Variants in TENM3 observed in about 807,000 individuals in gnomAD.
TENM3 encodes the protein teneurin-3.
A neutral mutation model predicts 255.1 loss-of-function variants in TENM3; 63 were observed. The observed-to-expected ratio is 0.25, with a 90% confidence interval of 0.20 to 0.30. The LOEUF is 0.30. TENM3 is among the 10% of genes least tolerant of loss of function. The pLI is 1.00. For missense variants in TENM3, 2,929 were observed against 3,461.1 expected, an observed-to-expected ratio of 0.85 and a Z score of 3.86; for synonymous variants, 1,306 against 1,322.3, an observed-to-expected ratio of 0.99 and a Z score of 0.27.
the TENM3 span, among the ~76,000 whole-genome samples, chr4:182,124,081 T>G: frequency 1.3e-5 from 2 of 152,220 alleles, no homozygotes; most frequent in Admixed American, 6.5e-5. Context: ...AGATGGAGTC[T>G]CACTCCGTTA....
the TENM3 span, among the ~76,000 whole-genome samples, chr4:181,467,325 G>A: frequency 0.21 from 30,834 of 149,146 alleles, 3,689 homozygotes; most frequent in South Asian, 0.28. Flanking sequence ...AGTAGAGACG[G>A]GGTTTCGCCA....
chr4:182,014,261 CACTGGGGAGCT>C, the TENM3 span, among the ~76,000 whole-genome samples: 1 of 151,520 alleles, frequency 6.6e-6, no homozygotes, highest in African/African-American at 2.4e-5. Flanking sequence ...CGTGCTAACA[CACTGGGGAGCT>C]ACTTACCATT....
intron 19 of TENM3, among the ~76,000 whole-genome samples, chr4:182,749,480 G>A (rs1256538962): frequency 6.6e-6 from 1 of 152,094 alleles, no homozygotes; most frequent in Non-Finnish European, 1.5e-5. Context: ...TGCACTGTAG[G>A]AAGAGACAGG....
chr4:181,628,168 A>T, the TENM3 span, among the ~76,000 whole-genome samples: 1 of 152,074 alleles, frequency 6.6e-6, no homozygotes, highest in Non-Finnish European at 1.5e-5. Context: ...TCCTTGGCCC[A>T]CTTTTTGATG....
At chr4:182,267,087 A>G (rs1223966223) in intron 1 of TENM3, among the ~76,000 whole-genome samples, 2 of 152,216 alleles carry the variant, frequency 1.3e-5, no homozygotes, top group East Asian at 1.9e-4. Context: ...GTTCATAACT[A>G]TCAAACAAAA....
the TENM3 span, among the ~76,000 whole-genome samples, chr4:181,651,397 C>T: frequency 1.3e-5 from 2 of 151,960 alleles, no homozygotes; most frequent in Non-Finnish European, 2.9e-5. Context: ...GTCAGGAGAT[C>T]GAGACTGGCC....
At chr4:182,192,129 CAA>C (rs1391918669) in intron 1 of TENM3, among the ~76,000 whole-genome samples, 3 of 152,210 alleles carry the variant, frequency 2.0e-5, no homozygotes, top group Non-Finnish European at 4.4e-5. Context: ...TTGGCATCCA[CAA>C]AGAGTCTGAT....
the TENM3 span, among the ~76,000 whole-genome samples, chr4:181,649,958 G>A: frequency 6.6e-6 from 1 of 152,154 alleles, no homozygotes; most frequent in Non-Finnish European, 1.5e-5. Flanking sequence ...AGTTCTGGTA[G>A]GAGTGATTAT....
chr4:181,919,148 G>T, the TENM3 span, among the ~76,000 whole-genome samples: 2 of 152,154 alleles, frequency 1.3e-5, no homozygotes, highest in African/African-American at 4.8e-5. Context: ...ATGATACCAG[G>T]CAGGGGAGTG....
At chr4:181,447,630 C>G in the TENM3 span, among the ~76,000 whole-genome samples, 1 of 152,294 alleles carries the variant, frequency 6.6e-6, no homozygotes, top group South Asian at 2.1e-4. Flanking sequence ...GCTGCTTCCT[C>G]GGAAGAGCAC....
chr4:181,759,707 A>G, the TENM3 span, among the ~76,000 whole-genome samples: 1 of 148,232 alleles, frequency 6.7e-6, no homozygotes, highest in African/African-American at 2.5e-5. Flanking sequence ...CAAGGATTTA[A>G]ATAATGCAAT....
the TENM3 span, among the ~76,000 whole-genome samples, chr4:182,100,362 G>A: frequency 6.6e-6 from 1 of 150,756 alleles, no homozygotes; most frequent in Non-Finnish European, 1.5e-5. Context: ...AGCACTTTGT[G>A]AGGCCAAGGC....
At chr4:181,554,546 A>G in the TENM3 span, among the ~76,000 whole-genome samples, 2 of 152,208 alleles carry the variant, frequency 1.3e-5, no homozygotes, top group African/African-American at 4.8e-5. Context: ...TCTTCCTAGA[A>G]TTGAAGAAAA....
chr4:181,825,052 C>G, the TENM3 span, among the ~76,000 whole-genome samples: 1 of 152,128 alleles, frequency 6.6e-6, no homozygotes, highest in Non-Finnish European at 1.5e-5. Context: ...AGAAAGTGTT[C>G]CCAGGTGTCA....
chr4:181,510,816 C>A, the TENM3 span, among the ~76,000 whole-genome samples: 3 of 152,164 alleles, frequency 2.0e-5, no homozygotes, highest in African/African-American at 7.2e-5. Context: ...CATCCTTTTT[C>A]TCACTCTAGA....
At chr4:182,794,390 T>G (rs909857562) in intron 26 of TENM3, among the ~76,000 whole-genome samples, 1 of 152,206 alleles carries the variant, frequency 6.6e-6, no homozygotes, top group Non-Finnish European at 1.5e-5. Flanking sequence ...TTTTAATACA[T>G]GTGTGAAGTT....
intron 3 of TENM3, among the ~76,000 whole-genome samples, chr4:182,582,612 A>G (rs535978777): frequency 3.1e-4 from 38 of 120,738 alleles, no homozygotes; most frequent in Non-Finnish European, 6.5e-4. Context: ...CCAACAAAAC[A>G]AAAAAAAACA....
At chr4:181,603,287 G>A in the TENM3 span, among the ~76,000 whole-genome samples, 2,205 of 152,258 alleles carry the variant, frequency 0.014, 31 homozygotes, top group South Asian at 0.049. Context: ...ACTTCAGTTG[G>A]AGATCCTAAT....
the TENM3 span, among the ~76,000 whole-genome samples, chr4:182,094,238 A>G: frequency 1.3e-5 from 2 of 150,614 alleles, no homozygotes; most frequent in Admixed American, 1.3e-4. Context: ...TCGAAGCCAG[A>G]CTCATTCTTT....
Sources: gnomAD v4.1 joint callset for allele counts (sites outside exome capture counted in the v4.1 genomes callset) on GRCh38, gnomAD v4.1.1 for gene constraint, MANE v1.5 for transcripts, NCBI Gene and HGNC (gene_info 2026-07-23, HGNC 2026-07-21) for gene names.